NALF1: variants seen among roughly 807,000 people sequenced by gnomAD.
The protein encoded by NALF1 is NALCN channel auxiliary factor 1, also known as family with sequence similarity 155 member A.
Under a neutral mutation model 48.4 loss-of-function variants are expected in NALF1, and 3 were observed. The ratio of observed to expected loss-of-function variants is 0.06; its 90% CI spans 0.03 to 0.16. The LOEUF (loss-of-function observed/expected upper bound fraction) is 0.16, where lower values mean the gene tolerates loss of function less well. NALF1 is among the 10% of genes least tolerant of loss of function. NALF1 has a pLI of 1.00. For missense variants in NALF1, 526 were observed against 571.5 expected (o/e 0.92, Z 0.81); for synonymous variants, 262 against 245.7 (o/e 1.07, Z -0.62).
chr13:107,825,409 T>G (rs530634286), intron 1 of NALF1, among the ~76,000 whole-genome samples: 6 of 152,342 alleles, frequency 3.9e-5, no homozygotes, highest in African/African-American at 1.4e-4. Flanking sequence ...AGAAAAAAAG[T>G]TGATGCTCAT....
chr13:107,307,990 C>T (rs1295492260), intron 1 of NALF1, among the ~76,000 whole-genome samples: 2 of 152,046 alleles, frequency 1.3e-5, no homozygotes, highest in South Asian at 2.1e-4. Context: ...TAATTTACAA[C>T]TGGCATTAAC....
chr13:107,317,504 T>C (rs1476431605), intron 1 of NALF1, among the ~76,000 whole-genome samples: 1 of 152,046 alleles, frequency 6.6e-6, no homozygotes, highest in Non-Finnish European at 1.5e-5. Context: ...AATCTTTAGA[T>C]GCAAATTTTA....
chr13:107,721,108 A>G (rs1566456841), intron 1 of NALF1, among the ~76,000 whole-genome samples: 1 of 74,252 alleles, frequency 1.3e-5, no homozygotes, highest in African/African-American at 4.8e-5. Context: ...TCAGATCTCA[A>G]TACACACACA....
At chr13:107,857,986 A>G (rs1880479291) in intron 1 of NALF1, among the ~76,000 whole-genome samples, 5 of 152,194 alleles carry the variant, frequency 3.3e-5, no homozygotes, top group Admixed American at 3.3e-4. Context: ...ATTATCGCCA[A>G]TCTCCAAAGT....
chr13:107,406,706 T>G (rs772549441), intron 1 of NALF1, among the ~76,000 whole-genome samples: 1 of 151,850 alleles, frequency 6.6e-6, no homozygotes, highest in African/African-American at 2.4e-5. Context: ...ACCATCTCTA[T>G]TCATTTCTAT....
At position 107,716,905 on chromosome 13, in the gene NALF1, A is replaced by G. The variant is rs7982380; in HGVS notation, c.915+148777T>C. On this transcript the variant is annotated intron_variant, in intron 1 of 2. Coordinates refer to ENST00000375915, the MANE Select transcript of NALF1 (RefSeq NM_001080396.3). ...TGATGGCGGGGTTTCCGTAAAGAGA[A>G]GACAGCCCAGGATACTTTGAATAAA... Among the ~76,000 whole-genome samples the G allele has an allele frequency of 9.6e-3, 1,466 of 152,274 alleles. 21 individuals are homozygous for G. The highest frequency in any genetic ancestry group is 0.034 in the African/African-American group (1,395 of 41,548).
At chr13:107,467,359 C>A (rs578070945) in intron 1 of NALF1, among the ~76,000 whole-genome samples, 11 of 86,716 alleles carry the variant, frequency 1.3e-4, no homozygotes, top group African/African-American at 2.9e-4. Flanking sequence ...AACATTTCAT[C>A]TTAATTTTCT....
chr13:107,224,183 G>A (rs1443689692), intron 1 of NALF1, among the ~76,000 whole-genome samples: 4 of 151,742 alleles, frequency 2.6e-5, no homozygotes, highest in Non-Finnish European at 5.9e-5. Context: ...TTATATATTT[G>A]GAATTAAATG....
chr13:107,679,497 G>C (rs1165407719), intron 1 of NALF1, among the ~76,000 whole-genome samples: 1 of 152,188 alleles, frequency 6.6e-6, no homozygotes, highest in African/African-American at 2.4e-5. Flanking sequence ...TTTTATGCAG[G>C]AGAAAGCAGC....
chr13:107,348,015 G>T (rs555563027), intron 1 of NALF1, among the ~76,000 whole-genome samples: 2 of 152,326 alleles, frequency 1.3e-5, no homozygotes, highest in Non-Finnish European at 2.9e-5. Context: ...GATTCTAAGG[G>T]TCAGACCCCA....
chr13:107,301,260 T>A (rs927870563), intron 1 of NALF1, among the ~76,000 whole-genome samples: 1 of 152,202 alleles, frequency 6.6e-6, no homozygotes, highest in South Asian at 2.1e-4. Context: ...ATTTAGTCAT[T>A]TGTGTATTCA....
intron 2 of NALF1, among the ~76,000 whole-genome samples, chr13:107,174,339 TTATTTTTA>T (rs879901147): frequency 4.0e-4 from 36 of 91,080 alleles, no homozygotes; most frequent in Admixed American, 5.1e-4. Flanking sequence ...GGAGAAACTT[TTATTTTTA>T]TTTATTTATT....
chr13:107,844,412 ATTC>A (rs1880119266), intron 1 of NALF1, among the ~76,000 whole-genome samples: 1 of 152,208 alleles, frequency 6.6e-6, no homozygotes, highest in African/African-American at 2.4e-5. Flanking sequence ...TATGTAGGTC[ATTC>A]TTAAGATATA....
intron 1 of NALF1, among the ~76,000 whole-genome samples, chr13:107,808,990 A>C (rs9559163): frequency 0.24 from 36,207 of 151,952 alleles, 4,995 homozygotes; most frequent in Admixed American, 0.36. Context: ...TTGTTTTCTG[A>C]AATCATAAAC....
At chr13:107,475,191 A>G (rs957791672) in intron 1 of NALF1, among the ~76,000 whole-genome samples, 4 of 152,226 alleles carry the variant, frequency 2.6e-5, no homozygotes. Flanking sequence ...CGAACATTAT[A>G]TTTGAACTCG....
intron 1 of NALF1, among the ~76,000 whole-genome samples, chr13:107,559,174 A>G (rs1331872920): frequency 6.6e-6 from 1 of 152,216 alleles, no homozygotes; most frequent in South Asian, 2.1e-4. Flanking sequence ...AGGAGACGCC[A>G]TGCTAAAAAC....
intron 1 of NALF1, among the ~76,000 whole-genome samples, chr13:107,635,989 A>C (rs532129618): frequency 6.6e-6 from 1 of 152,308 alleles, no homozygotes; most frequent in Non-Finnish European, 1.5e-5. Flanking sequence ...ATTTTACAGA[A>C]GTGAGAAAAG....
intron 1 of NALF1, among the ~76,000 whole-genome samples, chr13:107,469,613 A>G (rs1250621277): frequency 6.6e-6 from 1 of 151,840 alleles, no homozygotes; most frequent in African/African-American, 2.4e-5. Context: ...CAATATAAAT[A>G]TTATGTAAAT....
chr13:107,507,594 TA>T (rs548709767), intron 1 of NALF1, among the ~76,000 whole-genome samples: 9,769 of 85,722 alleles, frequency 0.11, 438 homozygotes, highest in East Asian at 0.15. Context: ...TATTCTCCAT[TA>T]AAAAAAAAAA....
Sources: allele counts gnomAD v4.1 joint callset (sites outside exome capture counted in the v4.1 genomes callset), GRCh38; gene constraint gnomAD v4.1.1; transcripts MANE v1.5; gene names NCBI Gene and HGNC (gene_info 2026-07-23, HGNC 2026-07-21).